TTC28: variants seen among roughly 807,000 people sequenced by gnomAD.
TTC28 encodes the protein tetratricopeptide repeat protein 28.
A neutral mutation model predicts 198.0 loss-of-function variants in TTC28; 61 were observed. The observed-to-expected ratio is 0.31, with a 90% CI of 0.25 to 0.38. The LOEUF is 0.38. TTC28 is among the 10% of genes least tolerant of loss of function. TTC28 has a pLI of 1.00. For synonymous variants in TTC28, 1,171 were observed against 1,297.8 expected (o/e 0.90, Z 2.10); for missense variants, 2,678 against 3,164.0 (o/e 0.85, Z 3.69).
intron 13 of TTC28, among the ~76,000 whole-genome samples, chr22:28,026,612 C>T (rs1938845758): frequency 6.6e-6 from 1 of 152,160 alleles, no homozygotes; most frequent in Non-Finnish European, 1.5e-5. Context: ...TTGCTGATTC[C>T]TTATCCAGTC....
intron 2 of TTC28, among the ~76,000 whole-genome samples, chr22:28,455,156 T>G (rs2047839675): frequency 6.6e-6 from 1 of 152,082 alleles, no homozygotes; most frequent in Non-Finnish European, 1.5e-5. Flanking sequence ...ACCTATAACA[T>G]CTAACAAAAT....
At chr22:28,386,996 C>T (rs2046614249) in intron 2 of TTC28, among the ~76,000 whole-genome samples, 1 of 152,020 alleles carries the variant, frequency 6.6e-6, no homozygotes, top group African/African-American at 2.4e-5. Flanking sequence ...CTCCCCACTC[C>T]CCCACCCCCA....
intron 5 of TTC28, among the ~76,000 whole-genome samples, chr22:28,215,323 A>T (rs1162770900): frequency 6.6e-6 from 1 of 152,180 alleles, no homozygotes; most frequent in African/African-American, 2.4e-5. Context: ...GATGGTCTGC[A>T]TGGTGCCTTC....
intron 12 of TTC28, among the ~76,000 whole-genome samples, chr22:28,092,986 C>A (rs1005346028): frequency 6.6e-6 from 1 of 152,148 alleles, no homozygotes; most frequent in East Asian, 1.9e-4. Flanking sequence ...AAAAACAGAA[C>A]AAGCACTGGC....
chr22:28,179,245 C>A (rs758272736), intron 5 of TTC28, among the ~76,000 whole-genome samples: 5 of 151,584 alleles, frequency 3.3e-5, no homozygotes, highest in Non-Finnish European at 7.4e-5. Context: ...CTACAACCTC[C>A]GCCTCCCAGG....
intron 2 of TTC28, among the ~76,000 whole-genome samples, chr22:28,422,421 C>T (rs571639712): frequency 6.6e-6 from 1 of 152,096 alleles, no homozygotes; most frequent in Non-Finnish European, 1.5e-5. Context: ...TCACGTCTTG[C>T]TATTTAATAA....
intron 6 of TTC28, among the ~76,000 whole-genome samples, chr22:28,113,712 A>C (rs1489529451): frequency 6.6e-6 from 1 of 152,218 alleles, no homozygotes; most frequent in Non-Finnish European, 1.5e-5. Context: ...ATTTGCTTTA[A>C]AAATTGTGTG....
chr22:28,501,050 T>C (rs2048530844), intron 2 of TTC28, among the ~76,000 whole-genome samples: 1 of 152,184 alleles, frequency 6.6e-6, no homozygotes, highest in African/African-American at 2.4e-5. Context: ...TATTCCTCAG[T>C]TTCTCTTTCT....
chr22:28,018,264 T>C (rs1938447678), intron 13 of TTC28, among the ~76,000 whole-genome samples: 2 of 121,050 alleles, frequency 1.7e-5, no homozygotes, highest in South Asian at 3.0e-4. Context: ...TGTGTGTGTG[T>C]GTGTGTGTGT....
intron 5 of TTC28, among the ~76,000 whole-genome samples, chr22:28,219,148 A>T (rs1927641691): frequency 6.6e-6 from 1 of 152,080 alleles, no homozygotes; most frequent in Admixed American, 6.5e-5. Flanking sequence ...CTAGCTATGT[A>T]CTTGGGCACA....
At chr22:28,009,626 G>A (rs1383243287) in intron 14 of TTC28, among the ~76,000 whole-genome samples, 5 of 152,122 alleles carry the variant, frequency 3.3e-5, no homozygotes, top group South Asian at 2.1e-4. Flanking sequence ...CCGAGATGAC[G>A]GGGTCACTGA....
At chr22:28,260,892 T>C (rs1326643798) in intron 5 of TTC28, among the ~76,000 whole-genome samples, 4 of 152,144 alleles carry the variant, frequency 2.6e-5, no homozygotes, top group South Asian at 2.1e-4. Context: ...CAGTAAGATA[T>C]GCACCATCAC....
At chr22:28,635,964 C>A (rs1009054241) in intron 1 of TTC28, among the ~76,000 whole-genome samples, 1 of 151,832 alleles carries the variant, frequency 6.6e-6, no homozygotes, top group Non-Finnish European at 1.5e-5. Flanking sequence ...ATTTCTCACA[C>A]CCTTGTCCCC....
chr22:28,028,773 C>A (rs1938947547), intron 13 of TTC28: 1 of 317,468 alleles, frequency 3.1e-6, no homozygotes, highest in Non-Finnish European at 6.3e-6. Flanking sequence ...CAGAAACCCA[C>A]CAGTTGTTCA....
intron 13 of TTC28, 57 bp downstream of exon 13, chr22:28,030,169 T>A (rs1939014810): frequency 1.9e-6 from 3 of 1,540,386 alleles, no homozygotes; most frequent in Non-Finnish European, 8.8e-7. Context: ...AAGCATATTA[T>A]CTGTGCTCAG....
intron 6 of TTC28, among the ~76,000 whole-genome samples, chr22:28,133,477 C>T (rs1342072235): frequency 2.6e-5 from 4 of 152,206 alleles, no homozygotes; most frequent in African/African-American, 9.6e-5. Flanking sequence ...GAAGCTGAGA[C>T]AGACGGCACC....
intron 5 of TTC28, among the ~76,000 whole-genome samples, chr22:28,226,648 T>C (rs895830705): frequency 6.6e-6 from 1 of 152,074 alleles, no homozygotes; most frequent in Non-Finnish European, 1.5e-5. Context: ...GGCTGGTTTT[T>C]AACTCCTGAC....
chr22:28,353,491 G>C (rs1278627274), intron 2 of TTC28, among the ~76,000 whole-genome samples: 2 of 152,100 alleles, frequency 1.3e-5, no homozygotes, highest in Middle Eastern at 3.2e-3. Flanking sequence ...ATGGCATAAA[G>C]ACAGACATTG....
At chr22:28,661,568 T>A (rs1323967700) in intron 1 of TTC28, among the ~76,000 whole-genome samples, 1 of 151,984 alleles carries the variant, frequency 6.6e-6, no homozygotes, top group African/African-American at 2.4e-5. Context: ...TACAGGTACA[T>A]GCCACCATAC....
Sources: gnomAD v4.1 joint callset for allele counts (sites outside exome capture counted in the v4.1 genomes callset) on GRCh38, gnomAD v4.1.1 for gene constraint, MANE v1.5 for transcripts, NCBI Gene and HGNC (gene_info 2026-07-23, HGNC 2026-07-21) for gene names.